Variants in ZNF346 observed in about 807,000 individuals in gnomAD.
The protein encoded by ZNF346 is double-stranded RNA-binding zinc finger protein JAZ.
A neutral mutation model predicts 33.7 loss-of-function variants in ZNF346; 23 were observed. The observed-to-expected ratio is 0.68, with a 90% CI of 0.49 to 0.97. The LOEUF is 0.97. ZNF346 is among the 50% of genes least tolerant of loss of function. The probability of loss-of-function intolerance (pLI) is 0.00; values close to 1 mark genes in which losing one functional copy is unlikely to be tolerated. For missense variants in ZNF346, 340 were observed against 371.1 expected, an observed-to-expected ratio of 0.92 and a Z score of 0.69; for synonymous variants, 134 against 142.4, an observed-to-expected ratio of 0.94 and a Z score of 0.42.
intron 5 of ZNF346, among the ~76,000 whole-genome samples, chr5:177,059,689 G>A (rs949974110): frequency 2.0e-5 from 3 of 152,128 alleles, no homozygotes; most frequent in Non-Finnish European, 4.4e-5. Flanking sequence ...GCCCCATGCT[G>A]GTCCCCCAGT....
chr5:177,055,892 A>G (rs1003463497), intron 5 of ZNF346, among the ~76,000 whole-genome samples: 5 of 152,048 alleles, frequency 3.3e-5, no homozygotes, highest in Non-Finnish European at 5.9e-5. Context: ...TCTGACCAAC[A>G]AGGAGAAACC....
Position 177,045,481 on chromosome 5 carries a change from A to G in ZNF346, c.517+948A>G, listed in dbSNP as rs549843289. Among the ~76,000 whole-genome samples, 23 of 151,984 alleles carry G rather than the reference A, an allele frequency of 1.5e-4. No individual in the cohort carries two copies. In the South Asian group the frequency reaches 4.0e-3, roughly 26 times the overall value. On this transcript the variant is annotated intron_variant, in intron 4 of 6. Coordinates refer to ENST00000358149, the MANE Select transcript of ZNF346 (RefSeq NM_012279.4). ...GCCATTCTTCAGCCTCAGCCTCCCAAGTAGCTGGGACTACAGGTGCCCACC... is the reference window on the plus strand; with the variant it reads ...GCCATTCTTCAGCCTCAGCCTCCCAGGTAGCTGGGACTACAGGTGCCCACC...
intron 5 of ZNF346, among the ~76,000 whole-genome samples, chr5:177,055,739 G>A (rs1220532781): frequency 6.6e-6 from 1 of 152,000 alleles, no homozygotes; most frequent in Non-Finnish European, 1.5e-5. Context: ...TCGGGAGTTC[G>A]AGACCAGCCT....
At position 177,022,706 on chromosome 5, in the gene ZNF346, G is replaced by C. The variant is rs571729310; in HGVS notation, c.-33G>C. 2.3e-5 allele frequency: 34 copies of C among 1,510,198 alleles called. No homozygotes were observed. The highest frequency in any genetic ancestry group is 2.9e-5 in the Non-Finnish European group (33 of 1,136,158). 93.5% of individuals were successfully genotyped at this position (1,510,198 alleles called of 1,614,324 possible). On this transcript the variant is annotated 5_prime_UTR_variant, in exon 1 of 7. Coordinates refer to ENST00000358149, the MANE Select transcript of ZNF346 (RefSeq NM_012279.4). ...AATCTCGCGATACCTAGGCGCCTGA[G>C]AGGCTCTCTACCGGTGAGGGTTTGC...
chr5:177,064,570 C>T lies in ZNF346; in HGVS notation c.856C>T (p.Gln286Ter), dbSNP rs1211610912. 6.2e-7 allele frequency: 1 copy of T among 1,614,216 alleles called. No homozygotes were observed. The highest frequency in any genetic ancestry group is 1.1e-5 in the South Asian group (1 of 91,080). ...GQIPMQRQPI[Q>*]KDSTTLED ...GATTCCAATGCAAAGGCAACCCATT[C>T]AGAAAGACTCAACCACCTTGGAAGA... is the stretch of plus-strand genomic sequence containing the variant. The change falls in exon 7 of 7, where the codon CAG (glutamine) becomes TAG (stop). Residue 286 changes from glutamine to a stop codon, truncating the protein, a stop_gained. Coordinates refer to ENST00000358149, the MANE Select transcript of ZNF346 (RefSeq NM_012279.4). LOFTEE classifies it high-confidence loss of function.
rs146386684 is a variant in ZNF346, at chr5:177,065,858, ATG to A, written c.*1281_*1282del. 250 of 87,680 alleles carry A rather than the reference ATG, an allele frequency of 2.9e-3. No homozygotes were observed. Among genetic ancestry groups the A allele is most frequent in the East Asian group, 0.011 (18 of 1,650 alleles). 5.4% of individuals were successfully genotyped at this position (87,680 alleles called of 1,614,324 possible). On this transcript the variant is annotated 3_prime_UTR_variant, in exon 7 of 7. Coordinates refer to ENST00000358149, the MANE Select transcript of ZNF346 (RefSeq NM_012279.4). The stretch of plus-strand genomic sequence containing the variant: ...CCTTTGCTTTGCATATTGTGTGTGG[ATG>A]TGTGTGTGTGTGTGTGTGTGTTTGT...
At chr5:177,036,523 T>C (rs1778537998) in intron 1 of ZNF346, among the ~76,000 whole-genome samples, 1 of 152,000 alleles carries the variant, frequency 6.6e-6, no homozygotes, top group Admixed American at 6.6e-5. Flanking sequence ...TCCCACGAGG[T>C]CCTTTTGCAT....
intron 5 of ZNF346, among the ~76,000 whole-genome samples, chr5:177,061,553 C>T (rs1485971947): frequency 6.6e-6 from 1 of 152,230 alleles, no homozygotes; most frequent in Non-Finnish European, 1.5e-5. Context: ...CACTACCAGA[C>T]CATGTGGGAA....
At chr5:177,036,549 A>G (rs1436117138) in intron 1 of ZNF346, among the ~76,000 whole-genome samples, 1 of 152,052 alleles carries the variant, frequency 6.6e-6, no homozygotes, top group East Asian at 1.9e-4. Flanking sequence ...TTGTGTGTGT[A>G]CGCAGCCTCA....
chr5:177,040,315 G>T (rs1043845151), intron 1 of ZNF346, among the ~76,000 whole-genome samples: 1 of 152,008 alleles, frequency 6.6e-6, no homozygotes, highest in Admixed American at 6.6e-5. Flanking sequence ...TTCATATAGT[G>T]TGGCACTTAT....
At chr5:177,063,565 G>C (rs956553303) in intron 6 of ZNF346, among the ~76,000 whole-genome samples, 1 of 152,166 alleles carries the variant, frequency 6.6e-6, no homozygotes, top group Non-Finnish European at 1.5e-5. Context: ...AGTTACAGTA[G>C]ACAACCTGAA....
rs1180727914 is a variant in ZNF346, at chr5:177,065,154, C to A, written c.*555C>A. 1 of 153,416 alleles carries A rather than the reference C, an allele frequency of 6.5e-6. No homozygotes were observed. Among genetic ancestry groups the A allele is most frequent in the African/African-American group, 2.4e-5 (1 of 41,460 alleles). The allele number at this position is 153,416 out of a possible 1,614,324, so 9.5% of individuals were successfully genotyped here. On this transcript the variant is annotated 3_prime_UTR_variant, in exon 7 of 7. Transcript: ENST00000358149. Reference sequence around the variant, plus strand: ...CAGATATGGCCAGTTGCGCAGGTTTCTGCCAACTGTGAAGTATCCTCCTGG... The same window carrying A: ...CAGATATGGCCAGTTGCGCAGGTTTATGCCAACTGTGAAGTATCCTCCTGG...
Position 177,050,232 on chromosome 5 carries a change from A to G in ZNF346, c.518-519A>G, listed in dbSNP as rs1002866500. ...GGTTACCTTTTCTGAATGACCTTGT[A>G]TGAGCTCCAGGAACTCAAGCCTCAA... On this transcript the variant is annotated intron_variant, in intron 4 of 6. Transcript: ENST00000358149. 3.9e-5 allele frequency among the ~76,000 whole-genome samples: 6 copies of G among 152,320 alleles called. No homozygotes were observed. In the East Asian group the frequency reaches 1.2e-3, roughly 29 times the overall value.
At chr5:177,026,389 C>T (rs1192670765) in intron 1 of ZNF346, among the ~76,000 whole-genome samples, 6 of 139,346 alleles carry the variant, frequency 4.3e-5, no homozygotes, top group South Asian at 2.3e-4. Flanking sequence ...AGACAGAATC[C>T]CACTCTATCG....
intron 5 of ZNF346, among the ~76,000 whole-genome samples, chr5:177,058,610 A>G (rs1444347851): frequency 6.6e-6 from 1 of 152,232 alleles, no homozygotes; most frequent in Non-Finnish European, 1.5e-5. Flanking sequence ...TCACAAATAA[A>G]GAAGTTGAGA....
chr5:177,066,567 A>G lies in ZNF346; in HGVS notation c.*1968A>G, dbSNP rs1174185499. ...GAGCATTTTTCATGACTCAAAAATG[A>G]GCTGAGAAGGAGTGTTATGGCCAGG... On this transcript the variant is annotated 3_prime_UTR_variant, in exon 7 of 7. Transcript: ENST00000358149. Among the ~76,000 whole-genome samples, 1 of 152,018 alleles carries G rather than the reference A, an allele frequency of 6.6e-6. No individual in the cohort carries two copies. Among genetic ancestry groups the G allele is most frequent in the Non-Finnish European group, 1.5e-5 (1 of 68,008 alleles).
At chr5:177,079,115 A>G (rs745898225) in intron 8 of ZNF346, among the ~76,000 whole-genome samples, 15 of 152,038 alleles carry the variant, frequency 9.9e-5, no homozygotes, top group Non-Finnish European at 1.5e-4. Flanking sequence ...TACTAAAAAT[A>G]CAAAAAATTA....
intron 5 of ZNF346, 116 bp from the exon 6 acceptor site, chr5:177,061,942 A>ACCTCACCTCG (rs939862573): frequency 5.0e-5 from 40 of 805,336 alleles, no homozygotes; most frequent in Non-Finnish European, 3.5e-5. Context: ...AGGGCCAGCA[A>ACCTCACCTCG]CCTCACCTCG....
intron 4 of ZNF346, among the ~76,000 whole-genome samples, chr5:177,047,099 A>G (rs1377279684): frequency 6.6e-6 from 1 of 151,622 alleles, no homozygotes; most frequent in Non-Finnish European, 1.5e-5. Context: ...CCCAGGCTGG[A>G]GTGCAGTGGC....
Sources: gnomAD v4.1 joint callset for allele counts (sites outside exome capture counted in the v4.1 genomes callset) on GRCh38, gnomAD v4.1.1 for gene constraint, MANE v1.5 for transcripts, NCBI Gene and HGNC (gene_info 2026-07-23, HGNC 2026-07-21) for gene names.